Variants in SGCG observed in about 807,000 individuals in gnomAD.
SGCG encodes the protein gamma-sarcoglycan.
Under a neutral mutation model 29.3 loss-of-function variants are expected in SGCG, and 26 were observed. The ratio of observed to expected loss-of-function variants is 0.89; its 90% CI spans 0.65 to 1.23. The LOEUF is 1.23. Among genes scored for constraint, SGCG ranks in the 50% most tolerant of loss-of-function variants. SGCG has a pLI of 0.00. For missense variants in SGCG, 353 were observed against 356.0 expected, an observed-to-expected ratio of 0.99 and a Z score of 0.07; for synonymous variants, 145 against 129.7, an observed-to-expected ratio of 1.12 and a Z score of -0.80.
At chr13:23,250,831 A>G in intron 4 of SGCG, 114 bp downstream of exon 4, 1 of 743,684 alleles carries the variant, frequency 1.3e-6, no homozygotes, top group Non-Finnish European at 2.4e-6. Flanking sequence ...CAAAATATGA[A>G]TTTTCTAAAT....
intron 4 of SGCG, among the ~76,000 whole-genome samples, chr13:23,277,001 T>G (rs192943558): frequency 1.3e-5 from 2 of 152,224 alleles, no homozygotes; most frequent in Non-Finnish European, 2.9e-5. Context: ...TGCAATAGAT[T>G]TGTATTGAAT....
chr13:23,199,882 G>T (rs1241553805), intron 1 of SGCG, among the ~76,000 whole-genome samples: 6 of 152,122 alleles, frequency 3.9e-5, no homozygotes, highest in African/African-American at 1.4e-4. Context: ...CTGTCAGCAG[G>T]GCAGGTGGGC....
Position 23,250,619 on chromosome 13 carries a change from T to A in SGCG, c.298-11T>A. The A allele has an allele frequency of 6.5e-7, 1 of 1,543,776 alleles. No homozygotes were observed. Among genetic ancestry groups the A allele is most frequent in the Non-Finnish European group, 9.0e-7 (1 of 1,117,178 alleles). ...GCACCTATTTTGCAAATTTTATAAATCTCTTTCTAGGACTCATCTCTGCTT... is the reference window on the plus strand; with the variant it reads ...GCACCTATTTTGCAAATTTTATAAAACTCTTTCTAGGACTCATCTCTGCTT... On this transcript the variant is annotated splice_polypyrimidine_tract_variant and intron_variant, in intron 3 of 7. Transcript: ENST00000218867.
At chr13:23,251,665 G>A (rs1879975081) in intron 4 of SGCG, among the ~76,000 whole-genome samples, 2 of 152,048 alleles carry the variant, frequency 1.3e-5, no homozygotes, top group Non-Finnish European at 2.9e-5. Flanking sequence ...CGCAGCTACT[G>A]GGGAGTCTGA....
At chr13:23,320,531 T>C in intron 6 of SGCG, 106 bp from the exon 7 acceptor site, 1 of 929,166 alleles carries the variant, frequency 1.1e-6, no homozygotes, top group Non-Finnish European at 1.7e-6. Context: ...CTTGAAGACT[T>C]ACATATCTTA....
At chr13:23,179,167 A>G (rs887889478), upstream of SGCG, among the ~76,000 whole-genome samples, 2 of 152,240 alleles carry the variant, frequency 1.3e-5, no homozygotes, top group Non-Finnish European at 2.9e-5. Context: ...AAGTATTATG[A>G]TTCCTTTGAG....
intron 2 of SGCG, among the ~76,000 whole-genome samples, chr13:23,229,607 GT>G (rs1437424082): frequency 1.3e-5 from 2 of 152,096 alleles, no homozygotes; most frequent in African/African-American, 4.8e-5. Flanking sequence ...AAGTGTTCAT[GT>G]CCTTTCCCCA....
intron 3 of SGCG, among the ~76,000 whole-genome samples, chr13:23,239,114 C>T (rs1033316645): frequency 1.3e-5 from 2 of 152,028 alleles, no homozygotes; most frequent in Non-Finnish European, 2.9e-5. Flanking sequence ...ACAGATAAAA[C>T]ATGTTCAATG....
intron 6 of SGCG, among the ~76,000 whole-genome samples, chr13:23,299,908 G>A (rs988533024): frequency 7.2e-5 from 11 of 152,132 alleles, no homozygotes; most frequent in Admixed American, 2.6e-4. Context: ...AGATATAAAA[G>A]GCATGGTCGT....
chr13:23,241,930 G>A (rs1879530217), intron 3 of SGCG, among the ~76,000 whole-genome samples: 1 of 152,012 alleles, frequency 6.6e-6, no homozygotes, highest in Non-Finnish European at 1.5e-5. Context: ...AAAGATGAGA[G>A]AAGAAATCAA....
At chr13:23,193,946 G>C (rs980388916) in intron 1 of SGCG, among the ~76,000 whole-genome samples, 1 of 152,034 alleles carries the variant, frequency 6.6e-6, no homozygotes, top group Non-Finnish European at 1.5e-5. Flanking sequence ...AAGGTAGAGG[G>C]TAAAATTAGG....
In SGCG at chr13:23,198,259, T is replaced by C. The variant is rs554837346; in HGVS notation, c.1-5436T>C. 6.6e-5 allele frequency among the ~76,000 whole-genome samples: 10 copies of C among 152,346 alleles called. No individual in the cohort carries two copies. The East Asian group carries it at 1.9e-3, about 29-fold the overall frequency. On this transcript the variant is annotated intron_variant, in intron 1 of 7. Coordinates refer to ENST00000218867, the MANE Select transcript of SGCG (RefSeq NM_000231.3). ...TCTTTGTGTCTCAGACTCTTGATAATGGCCTACCCAAACTAGGCATGACAA... is the reference window on the plus strand; with the variant it reads ...TCTTTGTGTCTCAGACTCTTGATAACGGCCTACCCAAACTAGGCATGACAA...
intron 1 of SGCG, among the ~76,000 whole-genome samples, chr13:23,183,586 G>C (rs566370714): frequency 1.3e-5 from 2 of 151,122 alleles, no homozygotes; most frequent in African/African-American, 4.8e-5. Context: ...AAAGGCAAGT[G>C]ACTGTTTACC....
intron 4 of SGCG, among the ~76,000 whole-genome samples, chr13:23,262,091 A>G (rs1218192760): frequency 1.3e-5 from 2 of 151,988 alleles, no homozygotes; most frequent in Non-Finnish European, 2.9e-5. Flanking sequence ...ATAAAACAAT[A>G]ACACAATGAA....
chr13:23,295,027 T>C (rs188049541), intron 5 of SGCG, among the ~76,000 whole-genome samples: 273 of 152,308 alleles, frequency 1.8e-3, no homozygotes, highest in African/African-American at 6.2e-3. Context: ...AAACAAATAA[T>C]ACAAGATACA....
intron 1 of SGCG, among the ~76,000 whole-genome samples, chr13:23,186,628 GA>G (rs1876984174): frequency 6.6e-6 from 1 of 152,198 alleles, no homozygotes; most frequent in East Asian, 1.9e-4. Flanking sequence ...TGGATGTACA[GA>G]ACTGCATTCT....
At chr13:23,252,077 G>T (rs554177627) in intron 4 of SGCG, among the ~76,000 whole-genome samples, 48 of 152,150 alleles carry the variant, frequency 3.2e-4, no homozygotes, top group Non-Finnish European at 5.3e-4. Context: ...ACTAAGTCCA[G>T]TGAAATTCTC....
chr13:23,164,651 C>T, the SGCG span, among the ~76,000 whole-genome samples: 1 of 152,124 alleles, frequency 6.6e-6, no homozygotes, highest in African/African-American at 2.4e-5. Context: ...CTGGCCTGTG[C>T]AGAGATCATT....
At position 23,324,950 on chromosome 13, in the gene SGCG, C is replaced by T; in HGVS notation, c.*409C>T. The T allele has an allele frequency of 3.6e-6, 1 of 276,856 alleles. No individual in the cohort carries two copies. Among genetic ancestry groups the T allele is most frequent in the South Asian group, 4.0e-5 (1 of 25,186 alleles). The allele number at this position is 276,856 out of a possible 1,614,324, so 17.1% of individuals were successfully genotyped here. On this transcript the variant is annotated 3_prime_UTR_variant, in exon 8 of 8. Coordinates refer to ENST00000218867, the MANE Select transcript of SGCG (RefSeq NM_000231.3). ...TAGCCTTGCTCAGTACTAAAATGCC[C>T]CAAAGTTCTATACAGCATTTCCTTT...
Sources: allele counts gnomAD v4.1 joint callset (sites outside exome capture counted in the v4.1 genomes callset), GRCh38; gene constraint gnomAD v4.1.1; transcripts MANE v1.5; gene names NCBI Gene and HGNC (gene_info 2026-07-23, HGNC 2026-07-21).